The following OVCH1 variants were observed in gnomAD, a reference collection of about 807,000 sequenced individuals.
OVCH1 encodes the protein ovochymase 1, also known as ovochymase-1.
Under a neutral mutation model 138.4 loss-of-function variants are expected in OVCH1, and 139 were observed. The ratio of observed to expected loss-of-function variants is 1.00; its 90% CI spans 0.87 to 1.16. The LOEUF (loss-of-function observed/expected upper bound fraction) is 1.16, where lower values mean the gene tolerates loss of function less well. Ranked by LOEUF, OVCH1 falls within the 50% of genes most tolerant of loss-of-function variation. The pLI, the probability that OVCH1 is intolerant of heterozygous loss-of-function variation, is 0.00. For missense variants in OVCH1, 1,367 were observed against 1,357.9 expected (o/e 1.01, Z -0.11); for synonymous variants, 453 against 467.8 (o/e 0.97, Z 0.41).
intron 8 of OVCH1, among the ~76,000 whole-genome samples, chr12:29,479,712 C>T (rs1731395246): frequency 6.6e-6 from 1 of 151,958 alleles, no homozygotes; most frequent in African/African-American, 2.4e-5. Context: ...CTACCCTTTA[C>T]AAATATTAAG....
At chr12:29,441,202 C>T (rs1941476564) in intron 25 of OVCH1, among the ~76,000 whole-genome samples, 1 of 152,224 alleles carries the variant, frequency 6.6e-6, no homozygotes, top group African/African-American at 2.4e-5. Context: ...AGGCATCACA[C>T]TACCTGACTT....
intron 16 of OVCH1, among the ~76,000 whole-genome samples, chr12:29,467,562 T>C (rs908105613): frequency 6.6e-6 from 1 of 152,158 alleles, no homozygotes; most frequent in African/African-American, 2.4e-5. Context: ...ATGTGTCACT[T>C]ATTGCTATGG....
At chr12:29,472,082 C>T in intron 15 of OVCH1, 100 bp from the exon 16 acceptor site, 1 of 1,196,196 alleles carries the variant, frequency 8.4e-7, no homozygotes, top group Non-Finnish European at 1.1e-6. Flanking sequence ...TCTCAAACAT[C>T]AGATAGGCTT....
At chr12:29,429,198 A>T (rs1941228346) in intron 27 of OVCH1, among the ~76,000 whole-genome samples, 1 of 152,236 alleles carries the variant, frequency 6.6e-6, no homozygotes. Context: ...ATTTTCAAAA[A>T]AGTTACCATC....
At position 29,466,721 on chromosome 12, in the gene OVCH1, C is replaced by G. The variant is rs906566886; in HGVS notation, c.1857-1502G>C. ...AAAAGTTCTGCCTACTTCTGATACA[C>G]CTCAAAATGATGTTAAGAAGTTTGA... On this transcript the variant is annotated intron_variant, in intron 16 of 27. Transcript: ENST00000318184. 3.3e-5 allele frequency among the ~76,000 whole-genome samples: 5 copies of G among 152,076 alleles called. No homozygotes were observed. The South Asian group carries it at 1.0e-3, about 32-fold the overall frequency.
chr12:29,447,857 C>A (rs1941662572), intron 22 of OVCH1, among the ~76,000 whole-genome samples: 1 of 151,880 alleles, frequency 6.6e-6, no homozygotes, highest in South Asian at 2.1e-4. Flanking sequence ...TTCTCTTGTT[C>A]ATTTATTTGT....
At chr12:29,441,953 A>T (rs1321736847) in intron 25 of OVCH1, among the ~76,000 whole-genome samples, 4 of 152,158 alleles carry the variant, frequency 2.6e-5, no homozygotes, top group Admixed American at 6.5e-5. Context: ...AATGGCGATC[A>T]TTAAAAAGTC....
intron 3 of OVCH1, among the ~76,000 whole-genome samples, chr12:29,413,661 T>TACACACACACACACAC (rs34675791): frequency 1.1e-4 from 17 of 149,044 alleles, no homozygotes; most frequent in Non-Finnish European, 2.2e-4. Context: ...CTGTGTGTAT[T>TACACACACACACACAC]ACACACATAC....
At chr12:29,419,136 G>A (rs994633006) in intron 3 of OVCH1, among the ~76,000 whole-genome samples, 2 of 152,080 alleles carry the variant, frequency 1.3e-5, no homozygotes, top group Non-Finnish European at 2.9e-5. Flanking sequence ...AGGATTACAG[G>A]TGTGAACCAC....
At chr12:29,462,374 A>T (rs1942167662) in intron 18 of OVCH1, among the ~76,000 whole-genome samples, 1 of 151,298 alleles carries the variant, frequency 6.6e-6, no homozygotes, top group Non-Finnish European at 1.5e-5. Flanking sequence ...ATAAATATAT[A>T]TGGTTATATA....
chr12:29,413,661 T>TACACACAC (rs34675791), intron 3 of OVCH1, among the ~76,000 whole-genome samples: 9,857 of 149,042 alleles, frequency 0.066, 614 homozygotes, highest in Admixed American at 0.23. Context: ...CTGTGTGTAT[T>TACACACAC]ACACACATAC....
At chr12:29,453,607 A>G (rs998720354) in intron 21 of OVCH1, among the ~76,000 whole-genome samples, 1 of 152,092 alleles carries the variant, frequency 6.6e-6, no homozygotes, top group Non-Finnish European at 1.5e-5. Flanking sequence ...TTTGGGACTC[A>G]TAATTTATCT....
At chr12:29,440,661 G>A in intron 25 of OVCH1, 1 of 453,978 alleles carries the variant, frequency 2.2e-6, no homozygotes, top group East Asian at 7.0e-5. Flanking sequence ...CATAGATACT[G>A]CAGTCTCCCC....
At chr12:29,492,499 G>C (rs1263276489) in intron 4 of OVCH1, among the ~76,000 whole-genome samples, 3 of 152,040 alleles carry the variant, frequency 2.0e-5, no homozygotes, top group Non-Finnish European at 4.4e-5. Context: ...TGGCCACTGG[G>C]TTAATAACAA....
intron 22 of OVCH1, among the ~76,000 whole-genome samples, chr12:29,449,987 T>C (rs1941735785): frequency 6.6e-6 from 1 of 152,022 alleles, no homozygotes; most frequent in East Asian, 1.9e-4. Context: ...CTGGACCCCT[T>C]CCTCCTTACA....
intron 3 of OVCH1, among the ~76,000 whole-genome samples, chr12:29,413,376 C>T (rs1940986191): frequency 6.6e-6 from 1 of 152,040 alleles, no homozygotes; most frequent in Non-Finnish European, 1.5e-5. Context: ...TTCCATGTGC[C>T]TCTAGGACAT....
intron 22 of OVCH1, among the ~76,000 whole-genome samples, 179 bp downstream of exon 22, chr12:29,451,166 C>CATAATAATA (rs201837372): frequency 6.7e-6 from 1 of 150,086 alleles, no homozygotes; most frequent in African/African-American, 2.5e-5. Context: ...AAAGTATAAT[C>CATAATAATA]ATAATAATAA....
At position 29,455,166 on chromosome 12, in the gene OVCH1, G is replaced by A. The variant is rs914251896; in HGVS notation, c.2437+83C>T. On this transcript the variant is annotated intron_variant, in intron 20 of 27. Transcript: ENST00000318184. ...TCTACTCTATGGTTTTCTCTTTCATGCTAATTTATACCACACTCACTGTTC... is the reference window on the plus strand; with the variant it reads ...TCTACTCTATGGTTTTCTCTTTCATACTAATTTATACCACACTCACTGTTC... 14 of 1,444,770 alleles carry A rather than the reference G, an allele frequency of 9.7e-6. No homozygotes were observed. The East Asian group carries it at 2.1e-4, about 21-fold the overall frequency. 89.5% of individuals were successfully genotyped at this position (1,444,770 alleles called of 1,614,324 possible). A position where few individuals can be genotyped will look rare whatever the true frequency, so the allele number is the denominator to read the frequency against.
At chr12:29,487,834 T>C in exon 7 of OVCH1, 1 of 1,611,566 alleles carries the variant, frequency 6.2e-7, no homozygotes, top group Non-Finnish European at 8.5e-7. Context: ...CCAGCAAGAA[T>C]CCAGATTCCA....
Sources: allele counts gnomAD v4.1 joint callset (sites outside exome capture counted in the v4.1 genomes callset), GRCh38; gene constraint gnomAD v4.1.1; transcripts MANE v1.5; gene names NCBI Gene and HGNC (gene_info 2026-07-23, HGNC 2026-07-21).